The following COL22A1 variants were observed in gnomAD, a reference collection of about 807,000 sequenced individuals.
The protein encoded by COL22A1 is collagen alpha-1(XXII) chain.
In COL22A1, 221 loss-of-function variants were observed where a neutral mutation model predicts 248.9. The observed-to-expected ratio is 0.89, with a 90% CI of 0.80 to 0.99. The LOEUF (loss-of-function observed/expected upper bound fraction) is 0.99. Ranked by LOEUF, COL22A1 falls within the 50% of genes least tolerant of loss-of-function variation. COL22A1 has a pLI of 0.00. For missense variants in COL22A1, 2,240 were observed against 2,179.0 expected (o/e 1.03, Z -0.56); for synonymous variants, 891 against 793.4 (o/e 1.12, Z -2.07).
chr8:138,720,344 G>C (rs530453492), intron 27 of COL22A1, among the ~76,000 whole-genome samples: 3 of 152,252 alleles, frequency 2.0e-5, no homozygotes, highest in East Asian at 3.9e-4. Context: ...GCGAGCACTT[G>C]TATCTGTTCC....
At chr8:138,742,777 TGTGATGGTGATGGTGGAGTTGATG>T (rs1482802723) in intron 22 of COL22A1, among the ~76,000 whole-genome samples, 15 of 133,278 alleles carry the variant, frequency 1.1e-4, no homozygotes, top group Admixed American at 2.2e-4. Context: ...TGGTAGTGAT[TGTGATGGTGATGGTGGAGTTGATG>T]GTGATGGTGA....
rs543699051 is a variant in COL22A1 at position 138,668,755 on chromosome 8, G to A, written c.3151-5015C>T. On this transcript the variant is annotated intron_variant, in intron 41 of 64. Transcript: ENST00000303045. ...GGTGGCCAAGTGGCTGCATGGCATG[G>A]AGCCCACTTATGTGAAGCACTCCAG... is the stretch of plus-strand genomic sequence containing the variant. Among the ~76,000 whole-genome samples, 4 of 152,324 alleles carry A rather than the reference G, an allele frequency of 2.6e-5. No individual in the cohort carries two copies. The South Asian group carries it at 6.2e-4, about 24-fold the overall frequency.
chr8:138,610,776 C>A (rs1818793765), intron 56 of COL22A1, among the ~76,000 whole-genome samples: 1 of 152,238 alleles, frequency 6.6e-6, no homozygotes, highest in African/African-American at 2.4e-5. Context: ...CCAAATGCCA[C>A]TTTCCAGCCA....
chr8:138,623,307 A>G (rs954316820), intron 52 of COL22A1, among the ~76,000 whole-genome samples: 4 of 147,684 alleles, frequency 2.7e-5, no homozygotes, highest in Middle Eastern at 3.3e-3. Context: ...TAATCCCACA[A>G]TGTCTGGAGC....
intron 47 of COL22A1, among the ~76,000 whole-genome samples, chr8:138,639,864 TG>T (rs1564130033): frequency 6.6e-6 from 1 of 152,210 alleles, no homozygotes; most frequent in Non-Finnish European, 1.5e-5. Context: ...GGCTCCAAGT[TG>T]CAAATCTATT....
At chr8:138,613,593 C>T (rs1187988279) in intron 56 of COL22A1, among the ~76,000 whole-genome samples, 1 of 152,080 alleles carries the variant, frequency 6.6e-6, no homozygotes, top group Non-Finnish European at 1.5e-5. Context: ...AGAGCTAGAG[C>T]ACAGCCTCGG....
At chr8:138,794,417 T>C (rs1010106876) in intron 12 of COL22A1, among the ~76,000 whole-genome samples, 1 of 151,202 alleles carries the variant, frequency 6.6e-6, no homozygotes, top group African/African-American at 2.4e-5. Flanking sequence ...GCTGAACATG[T>C]TGGTGGGAAC....
chr8:138,805,029 TA>T (rs1817368415), intron 10 of COL22A1, among the ~76,000 whole-genome samples: 3 of 53,660 alleles, frequency 5.6e-5, no homozygotes, highest in African/African-American at 4.1e-4. Flanking sequence ...GTGTGTGTGA[TA>T]GTGTGTGTGA....
chr8:138,695,423 G>C (rs892264817), intron 32 of COL22A1, among the ~76,000 whole-genome samples: 1 of 151,940 alleles, frequency 6.6e-6, no homozygotes, highest in African/African-American at 2.4e-5. Context: ...TGAAATCCTG[G>C]GCTCAAGCGA....
intron 9 of COL22A1, among the ~76,000 whole-genome samples, chr8:138,808,172 G>A (rs997560553): frequency 5.9e-5 from 9 of 152,152 alleles, no homozygotes; most frequent in East Asian, 3.9e-4. Context: ...GCTATGGAGC[G>A]GGAGGAATAC....
intron 14 of COL22A1, among the ~76,000 whole-genome samples, chr8:138,778,943 T>A (rs1425656723): frequency 6.6e-6 from 1 of 152,210 alleles, no homozygotes; most frequent in Non-Finnish European, 1.5e-5. Context: ...GTTTGGAAAT[T>A]ATCTATTAAA....
chr8:138,621,048 G>C (rs1819759640), intron 52 of COL22A1, among the ~76,000 whole-genome samples: 1 of 151,896 alleles, frequency 6.6e-6, no homozygotes, highest in Non-Finnish European at 1.5e-5. Context: ...TGGCTGGTCT[G>C]TCTATCCATT....
Position 138,875,758 on chromosome 8 carries a change from C to T in COL22A1, c.658+1992G>A, listed in dbSNP as rs1379265336. Among the ~76,000 whole-genome samples, 4 of 152,176 alleles carry T rather than the reference C, an allele frequency of 2.6e-5. No homozygotes were observed. In the East Asian group the frequency reaches 5.8e-4, roughly 22 times the overall value. ...GGCCCAACATGCCTTGAAGCTGTGC[C>T]TTCCATGATCTCAGCATTCTGTGTG... is the stretch of plus-strand genomic sequence containing the variant. On this transcript the variant is annotated intron_variant, in intron 3 of 64. Coordinates refer to ENST00000303045, the MANE Select transcript of COL22A1 (RefSeq NM_152888.3).
chr8:138,785,348 C>A (rs1443722312), intron 12 of COL22A1, among the ~76,000 whole-genome samples: 1 of 152,188 alleles, frequency 6.6e-6, no homozygotes, highest in African/African-American at 2.4e-5. Flanking sequence ...CTAACCTGGG[C>A]AAATGATGAT....
chr8:138,644,654 C>T (rs1347610586), intron 47 of COL22A1, among the ~76,000 whole-genome samples: 1 of 152,168 alleles, frequency 6.6e-6, no homozygotes, highest in Non-Finnish European at 1.5e-5. Flanking sequence ...TTAAAAACTC[C>T]ACCCTTGGAT....
chr8:138,672,580 AC>A (rs1213956492), intron 41 of COL22A1, among the ~76,000 whole-genome samples: 1 of 152,124 alleles, frequency 6.6e-6, no homozygotes, highest in Non-Finnish European at 1.5e-5. Context: ...CAATGCCTGG[AC>A]CAACTGATGT....
rs780222042 is a variant in COL22A1, at chr8:138,737,487, C to T, written c.2139+37G>A. On this transcript the variant is annotated intron_variant, in intron 23 of 64. Transcript: ENST00000303045. ...GGTCATTTATTTAATCAGAGAAAAG[C>T]AGCGTTGCTATGGAAGAGAATGTAA... 9 of 1,451,402 alleles carry T rather than the reference C, an allele frequency of 6.2e-6. No homozygotes were observed. In the East Asian group the frequency reaches 1.8e-4, roughly 29 times the overall value. 89.9% of individuals were successfully genotyped at this position (1,451,402 alleles called of 1,614,324 possible).
At chr8:138,594,285 A>C in intron 62 of COL22A1, 86 bp from the exon 63 acceptor site, 1 of 1,216,860 alleles carries the variant, frequency 8.2e-7, no homozygotes, top group Non-Finnish European at 1.1e-6. Flanking sequence ...ACTCAGAACC[A>C]GGGGGCCGAT....
At chr8:138,871,156 G>A (rs1326661181) in intron 3 of COL22A1, among the ~76,000 whole-genome samples, 1 of 152,120 alleles carries the variant, frequency 6.6e-6, no homozygotes, top group East Asian at 1.9e-4. Flanking sequence ...ACCCAGACTT[G>A]CCAACAGCCA....
Sources: allele counts gnomAD v4.1 joint callset (sites outside exome capture counted in the v4.1 genomes callset), GRCh38; gene constraint gnomAD v4.1.1; transcripts MANE v1.5; gene names NCBI Gene and HGNC (gene_info 2026-07-23, HGNC 2026-07-21).